Variants in ZNF385D observed in about 807,000 individuals in gnomAD.
ZNF385D encodes the protein zinc finger protein 659.
ZNF385D carries 15 observed loss-of-function variants against 35.8 expected under a neutral mutation model. That is an observed-to-expected ratio of 0.42 (90% CI 0.28 to 0.64). The LOEUF (loss-of-function observed/expected upper bound fraction) is 0.64. Ranked by LOEUF, ZNF385D falls within the 30% of genes least tolerant of loss-of-function variation. The probability of loss-of-function intolerance (pLI) is 0.23; values close to 1 mark genes in which losing one functional copy is unlikely to be tolerated. For missense variants in ZNF385D, 474 were observed against 494.6 expected (o/e 0.96, Z 0.39); for synonymous variants, 212 against 186.8 (o/e 1.13, Z -1.10).
intron 2 of ZNF385D, among the ~76,000 whole-genome samples, chr3:22,290,563 T>C (rs550822632): frequency 3.9e-5 from 6 of 152,262 alleles, no homozygotes; most frequent in African/African-American, 9.6e-5. Context: ...GGCAGTGGCA[T>C]TGTGCAGTAT....
chr3:22,278,971 T>C (rs970828042), intron 2 of ZNF385D, among the ~76,000 whole-genome samples: 1 of 152,094 alleles, frequency 6.6e-6, no homozygotes, highest in Non-Finnish European at 1.5e-5. Flanking sequence ...GCAGCCCTCT[T>C]AGGCGGGTTA....
At chr3:21,973,390 A>C (rs1478022458) in intron 3 of ZNF385D, among the ~76,000 whole-genome samples, 1 of 151,994 alleles carries the variant, frequency 6.6e-6, no homozygotes, top group Non-Finnish European at 1.5e-5. Context: ...AAAAACTCTG[A>C]AAAACCTGGA....
intron 2 of ZNF385D, among the ~76,000 whole-genome samples, chr3:22,259,813 C>T (rs1488344174): frequency 6.6e-6 from 1 of 151,290 alleles, no homozygotes; most frequent in Non-Finnish European, 1.5e-5. Flanking sequence ...TCCACCATCA[C>T]TCCAAATGCC....
intron 3 of ZNF385D, among the ~76,000 whole-genome samples, chr3:21,811,228 A>T (rs1013507550): frequency 1.3e-5 from 2 of 152,132 alleles, no homozygotes; most frequent in Non-Finnish European, 2.9e-5. Flanking sequence ...TTCTATAAGC[A>T]AGACAAGCAC....
At chr3:21,521,819 C>T (rs1707926348) in intron 3 of ZNF385D, among the ~76,000 whole-genome samples, 1 of 151,966 alleles carries the variant, frequency 6.6e-6, no homozygotes, top group Non-Finnish European at 1.5e-5. Context: ...TGTAAAAATA[C>T]TAGAAAAAAA....
At chr3:21,933,103 G>A (rs1046362307) in intron 3 of ZNF385D, among the ~76,000 whole-genome samples, 2 of 152,166 alleles carry the variant, frequency 1.3e-5, no homozygotes, top group Admixed American at 6.5e-5. Flanking sequence ...TCCCTGTGTG[G>A]TGATGTTCTC....
Position 22,250,276 on chromosome 3 carries a change from T to C in ZNF385D, c.107-81241A>G, listed in dbSNP as rs762130286. Among the ~76,000 whole-genome samples the C allele has an allele frequency of 5.9e-5, 9 of 152,146 alleles. 1 individual carries two copies. Among genetic ancestry groups the C allele is most frequent in the African/African-American group, 1.2e-4 (5 of 41,442 alleles). On this transcript the variant is annotated intron_variant, in intron 2 of 5. Transcript: ENST00000494108. Reference sequence around the variant, plus strand: ...GGGTTGTATTCTATCTTTTTAAATATGCAAAAGTCTTTTTATTTATTTTTC... The same window carrying C: ...GGGTTGTATTCTATCTTTTTAAATACGCAAAAGTCTTTTTATTTATTTTTC...
rs1439454411 is a variant in ZNF385D at position 21,423,987 on chromosome 3, T to C, written c.930A>G (p.Leu310=). The part of the protein sequence containing the change: ...PKPKYSPYNK[L]QKTAHPLGVK... ...CCCCCAGTGGATGTGCTGTCTTCTG[T>C]AGTTTGTTGTAAGGACTGTATTTAG... The change falls in exon 7 of 8, where the codon CTA becomes CTG. Residue 310 remains leucine, a synonymous_variant. Coordinates refer to ENST00000281523, the MANE Select transcript of ZNF385D (RefSeq NM_024697.3). 6.2e-7 allele frequency: 1 copy of C among 1,609,462 alleles called. No homozygotes were observed. The highest frequency in any genetic ancestry group is 8.5e-7 in the Non-Finnish European group (1 of 1,178,538).
At chr3:21,622,207 G>A (rs1476304156) in intron 2 of ZNF385D, among the ~76,000 whole-genome samples, 1 of 152,002 alleles carries the variant, frequency 6.6e-6, no homozygotes, top group Non-Finnish European at 1.5e-5. Context: ...AAGTGATTAA[G>A]GAGGAAGTCA....
chr3:22,234,356 G>T (rs1366617864), intron 2 of ZNF385D, among the ~76,000 whole-genome samples: 2 of 152,030 alleles, frequency 1.3e-5, no homozygotes, highest in Non-Finnish European at 2.9e-5. Flanking sequence ...AGTGCTTTTT[G>T]AAGACACTTC....
intron 3 of ZNF385D, among the ~76,000 whole-genome samples, chr3:21,983,163 TATTA>T (rs374960203): frequency 4.7e-5 from 3 of 63,470 alleles, no homozygotes; most frequent in South Asian, 3.9e-4. Context: ...TATTTTATTT[TATTA>T]TTTTTTTTTA....
At chr3:21,764,955 C>A (rs2125594688) in intron 3 of ZNF385D, among the ~76,000 whole-genome samples, 1 of 152,190 alleles carries the variant, frequency 6.6e-6, no homozygotes, top group East Asian at 1.9e-4. Flanking sequence ...GATGCCCTTG[C>A]TTTTAAAGAT....
chr3:21,929,810 T>C (rs1014507815), intron 3 of ZNF385D, among the ~76,000 whole-genome samples: 4 of 152,020 alleles, frequency 2.6e-5, no homozygotes, highest in African/African-American at 9.7e-5. Flanking sequence ...AAGATCTAAA[T>C]AAATAGGGAG....
intron 4 of ZNF385D, among the ~76,000 whole-genome samples, chr3:21,454,030 A>G (rs900716835): frequency 2.6e-5 from 4 of 152,170 alleles, no homozygotes; most frequent in Admixed American, 6.6e-5. Context: ...AAGAAATACA[A>G]TACTGGTACC....
chr3:22,310,015 T>G (rs1259982822), intron 2 of ZNF385D, among the ~76,000 whole-genome samples: 3 of 151,986 alleles, frequency 2.0e-5, no homozygotes, highest in Admixed American at 1.3e-4. Flanking sequence ...CTTGAGAGAT[T>G]AGAGTTATTT....
At chr3:22,210,943 G>A (rs1161936427) in intron 2 of ZNF385D, among the ~76,000 whole-genome samples, 1 of 151,954 alleles carries the variant, frequency 6.6e-6, no homozygotes, top group African/African-American at 2.4e-5. Flanking sequence ...ATACTCACAT[G>A]AGTGGTACTA....
At chr3:21,819,725 T>C (rs988617118) in intron 3 of ZNF385D, among the ~76,000 whole-genome samples, 4 of 145,612 alleles carry the variant, frequency 2.7e-5, no homozygotes, top group Non-Finnish European at 6.0e-5. Context: ...TATATACACA[T>C]GTACGTGTGT....
chr3:21,639,707 C>T (rs1414979896), intron 2 of ZNF385D, among the ~76,000 whole-genome samples: 3 of 152,030 alleles, frequency 2.0e-5, no homozygotes, highest in Non-Finnish European at 4.4e-5. Flanking sequence ...ATGATAGTCT[C>T]ATTTTAATGA....
Position 22,002,128 on chromosome 3 carries a change from A to AC in ZNF385D, c.325+166688_325+166689insG, listed in dbSNP as rs563834316. Reference sequence around the variant, plus strand: ...TAAACAAAATAAAGACTTAAAAAAAAACACACACAAAGATTAGTGAAATGA... The same window carrying AC: ...TAAACAAAATAAAGACTTAAAAAAAACACACACACAAAGATTAGTGAAATGA... On this transcript the variant is annotated intron_variant, in intron 3 of 5. Coordinates refer to the ZNF385D transcript ENST00000494108. Among the ~76,000 whole-genome samples the AC allele has an allele frequency of 6.2e-3, 945 of 152,054 alleles. 4 individuals carry two copies. The highest frequency in any genetic ancestry group is 9.3e-3 in the Non-Finnish European group (634 of 67,912).
Sources: allele counts gnomAD v4.1 joint callset (sites outside exome capture counted in the v4.1 genomes callset), GRCh38; gene constraint gnomAD v4.1.1; transcripts MANE v1.5; gene names NCBI Gene and HGNC (gene_info 2026-07-23, HGNC 2026-07-21).